ZNF100: variants seen among roughly 807,000 people sequenced by gnomAD.
ZNF100 encodes the protein zinc finger protein 100, also known as zinc finger protein 100 (Y1).
ZNF100 carries 12 observed loss-of-function variants against 15.8 expected under a neutral mutation model. The observed-to-expected ratio is 0.76, with a 90% CI of 0.49 to 1.23. The LOEUF is 1.23. ZNF100 is among the 50% of genes most tolerant of loss of function. The pLI, the probability that ZNF100 is intolerant of heterozygous loss-of-function variation, is 0.00. For missense variants in ZNF100, 670 were observed against 635.6 expected, an observed-to-expected ratio of 1.05 and a Z score of -0.58; for synonymous variants, 226 against 214.8, an observed-to-expected ratio of 1.05 and a Z score of -0.45.
chr19:21,736,061 T>C (rs567748975), intron 4 of ZNF100, among the ~76,000 whole-genome samples: 1 of 152,128 alleles, frequency 6.6e-6, no homozygotes, highest in Non-Finnish European at 1.5e-5. Flanking sequence ...GTGCTGGCAT[T>C]ACAGGCGTGA....
chr19:21,727,821 T>G lies in ZNF100; in HGVS notation c.491A>C (p.Lys164Thr), dbSNP rs370307902. 40 of 1,613,238 alleles carry G rather than the reference T, an allele frequency of 2.5e-5. No homozygotes were observed. The highest frequency in any genetic ancestry group is 8.5e-7 in the Non-Finnish European group (1 of 1,179,760). ...GGTAGTTATCAAACACTGGTTTAAT[T>G]TGTTATCATGTTCTTTGTGCACTTT... The part of the protein sequence containing the change: ...ECKVHKEHDN[K>T]LNQCLITTQS... The change falls in exon 5 of 5, where the codon AAA becomes ACA. Residue 164 changes from lysine to threonine, a missense_variant. By Grantham distance (78) the Lys-to-Thr change is moderately conservative (BLOSUM62 -1). Transcript: ENST00000358296.
rs1008009083 is a variant in ZNF100 at position 21,725,497 on chromosome 19, A to G, written c.*1186T>C. The G allele has an allele frequency of 2.0e-5, 3 of 152,132 alleles. No individual in the cohort carries two copies. Among genetic ancestry groups the G allele is most frequent in the East Asian group, 1.9e-4 (1 of 5,200 alleles). The allele number at this position is 152,132 out of a possible 1,614,324, so 9.4% of individuals were successfully genotyped here. The stretch of plus-strand genomic sequence containing the variant: ...CTCTTCACTTAGATTTTCATCATAC[A>G]TCTCATATTTTAATGTCTTTTTCAT... On this transcript the variant is annotated 3_prime_UTR_variant, in exon 5 of 5. Coordinates refer to ENST00000358296, the MANE Select transcript of ZNF100 (RefSeq NM_173531.4).
chr19:21,742,918 A>C (rs1568300439), intron 4 of ZNF100, among the ~76,000 whole-genome samples: 1 of 152,172 alleles, frequency 6.6e-6, no homozygotes, highest in Non-Finnish European at 1.5e-5. Flanking sequence ...AGAAGGTAAA[A>C]AAAATCTTTA....
intron 2 of ZNF100, among the ~76,000 whole-genome samples, chr19:21,761,609 GAA>G (rs1228120696): frequency 3.9e-5 from 6 of 152,056 alleles, no homozygotes; most frequent in Non-Finnish European, 8.8e-5. Flanking sequence ...AGGCCTATGT[GAA>G]AAATAATTAT....
intron 2 of ZNF100, chr19:21,751,856 A>G (rs1366615254): frequency 6.5e-6 from 5 of 765,696 alleles, no homozygotes; most frequent in Non-Finnish European, 1.1e-5. Context: ...AGCAGCTGTA[A>G]GAAGGTCTTT....
chr19:21,759,007 C>A (rs2036436914), intron 2 of ZNF100, among the ~76,000 whole-genome samples: 1 of 152,138 alleles, frequency 6.6e-6, no homozygotes, highest in South Asian at 2.1e-4. Flanking sequence ...CCAAGCAATT[C>A]TCTAGCACCA....
chr19:21,735,252 T>G (rs2035987447), intron 4 of ZNF100, among the ~76,000 whole-genome samples: 1 of 152,134 alleles, frequency 6.6e-6, no homozygotes, highest in Non-Finnish European at 1.5e-5. Flanking sequence ...ACCAGAACTT[T>G]TGGAGGCCGA....
intron 2 of ZNF100, among the ~76,000 whole-genome samples, chr19:21,746,089 G>A (rs1242877651): frequency 6.6e-6 from 1 of 152,228 alleles, no homozygotes; most frequent in Non-Finnish European, 1.5e-5. Flanking sequence ...TAACTCTGTA[G>A]TGAAAGAAAT....
intron 4 of ZNF100, among the ~76,000 whole-genome samples, chr19:21,741,710 C>CT (rs1195413966): frequency 2.0e-5 from 3 of 151,864 alleles, no homozygotes; most frequent in Non-Finnish European, 4.4e-5. Context: ...CAGTCTCACT[C>CT]TGTCACCCAA....
Position 21,764,948 on chromosome 19 carries a change from T to G in ZNF100, c.96+746A>C, listed in dbSNP as rs142771613. Among the ~76,000 whole-genome samples, 515 of 152,318 alleles carry G rather than the reference T, an allele frequency of 3.4e-3. 6 individuals are homozygous for G. Among genetic ancestry groups the G allele is most frequent in the African/African-American group, 0.012 (498 of 41,564 alleles). ...TGTATTCATTTTCCAAAACTAAAAT[T>G]GAGAGATTTTGCCTGGGAGCATTCT... On this transcript the variant is annotated intron_variant, in intron 2 of 4. Coordinates refer to ENST00000358296, the MANE Select transcript of ZNF100 (RefSeq NM_173531.4).
At chr19:21,735,622 G>A (rs1361000105) in intron 4 of ZNF100, among the ~76,000 whole-genome samples, 1 of 152,004 alleles carries the variant, frequency 6.6e-6, no homozygotes, top group South Asian at 2.1e-4. Context: ...AAAATAAAGG[G>A]AGAAGAATTT....
intron 2 of ZNF100, among the ~76,000 whole-genome samples, chr19:21,762,281 G>T (rs753329279): frequency 2.0e-5 from 3 of 152,180 alleles, no homozygotes; most frequent in African/African-American, 4.8e-5. Context: ...TAAAAATCTG[G>T]ATTACTGTTT....
At chr19:21,754,477 A>G (rs1382901327) in intron 2 of ZNF100, among the ~76,000 whole-genome samples, 2 of 152,210 alleles carry the variant, frequency 1.3e-5, no homozygotes, top group Non-Finnish European at 2.9e-5. Context: ...AGACCTCAGA[A>G]ATACCACCAC....
intron 1 of ZNF100, 129 bp downstream of exon 1, chr19:21,767,298 G>C: frequency 1.3e-6 from 2 of 1,517,554 alleles, no homozygotes; most frequent in South Asian, 2.3e-5. Flanking sequence ...AGGGGACGGA[G>C]GCCGAGCTGG....
At chr19:21,732,763 G>C (rs545099624) in intron 4 of ZNF100, among the ~76,000 whole-genome samples, 31 of 151,750 alleles carry the variant, frequency 2.0e-4, no homozygotes, top group East Asian at 1.7e-3. Flanking sequence ...TAATACAGAG[G>C]TAACTTGAAG....
intron 2 of ZNF100, chr19:21,746,775 C>T (rs2036218004): frequency 6.6e-6 from 1 of 152,096 alleles, no homozygotes; most frequent in South Asian, 2.1e-4. Context: ...ATGCATGAGA[C>T]TCTAGAAAAG....
At chr19:21,742,486 C>A (rs1270175157) in intron 4 of ZNF100, among the ~76,000 whole-genome samples, 1 of 145,632 alleles carries the variant, frequency 6.9e-6, no homozygotes, top group African/African-American at 2.6e-5. Context: ...AACAGTGAAA[C>A]GCCGTCTCAA....
chr19:21,766,672 A>C (rs2036568222), intron 1 of ZNF100, among the ~76,000 whole-genome samples: 1 of 152,064 alleles, frequency 6.6e-6, no homozygotes, highest in African/African-American at 2.4e-5. Context: ...ATAGCTGGAT[A>C]CTCTATGATT....
At chr19:21,751,079 C>G in intron 2 of ZNF100, 1 of 1,434,502 alleles carries the variant, frequency 7.0e-7, no homozygotes, top group East Asian at 2.3e-5. Context: ...GCTTTGGAGT[C>G]AAACCCTTCT....
Sources: allele counts gnomAD v4.1 joint callset (sites outside exome capture counted in the v4.1 genomes callset), GRCh38; gene constraint gnomAD v4.1.1; transcripts MANE v1.5; gene names NCBI Gene and HGNC (gene_info 2026-07-23, HGNC 2026-07-21).